Variants in MED13L observed in about 807,000 individuals in gnomAD.
The protein encoded by MED13L is mediator complex subunit 13L, also known as mediator of RNA polymerase II transcription subunit 13-like.
In MED13L, 7 loss-of-function variants were observed where a neutral mutation model predicts 220.9. The observed-to-expected ratio is 0.03, with a 90% CI of 0.02 to 0.06. MED13L has a LOEUF of 0.06. Among genes scored for constraint, MED13L ranks in the 10% least tolerant of loss-of-function variants. The pLI, the probability that MED13L is intolerant of heterozygous loss-of-function variation, is 1.00. For missense variants in MED13L, 1,965 were observed against 2,760.5 expected (o/e 0.71, Z 6.46); for synonymous variants, 1,011 against 1,015.2 (o/e 1.00, Z 0.08).
chr12:115,969,210 G>A (rs868599172), intron 27 of MED13L, 113 bp from the exon 28 acceptor site: 8 of 1,141,794 alleles, frequency 7.0e-6, no homozygotes, highest in Middle Eastern at 2.8e-4. Context: ...GGCTATTATG[G>A]ACACACACTG....
At chr12:116,185,703 CT>C (rs1880848294) in intron 2 of MED13L, among the ~76,000 whole-genome samples, 1 of 106,332 alleles carries the variant, frequency 9.4e-6, no homozygotes. Flanking sequence ...CTTTTCTTTT[CT>C]TTTCTTTTCG....
intron 2 of MED13L, chr12:116,169,023 C>A (rs1879489226): frequency 6.6e-6 from 1 of 152,216 alleles, no homozygotes; most frequent in African/African-American, 2.4e-5. Context: ...CAAGAGAGCT[C>A]TGAGCCCACG....
chr12:116,104,790 A>T (rs1873406332), intron 3 of MED13L, among the ~76,000 whole-genome samples: 3 of 152,224 alleles, frequency 2.0e-5, no homozygotes, highest in Non-Finnish European at 2.9e-5. Flanking sequence ...TATTCTAAAA[A>T]GTTAAGAAAA....
intron 2 of MED13L, among the ~76,000 whole-genome samples, chr12:116,230,971 A>AG (rs1366544230): frequency 1.3e-5 from 2 of 152,174 alleles, no homozygotes; most frequent in Non-Finnish European, 2.9e-5. Flanking sequence ...GCTAAGCAAT[A>AG]GGGGCTATTC....
At chr12:116,262,189 T>C (rs1267583188) in intron 1 of MED13L, among the ~76,000 whole-genome samples, 2 of 152,212 alleles carry the variant, frequency 1.3e-5, no homozygotes, top group Non-Finnish European at 2.9e-5. Context: ...TGGTCTGTTA[T>C]TGTATTATTT....
chr12:116,095,459 C>T (rs1429252945), intron 4 of MED13L, among the ~76,000 whole-genome samples: 1 of 152,120 alleles, frequency 6.6e-6, no homozygotes, highest in African/African-American at 2.4e-5. Flanking sequence ...TGAGAAGATT[C>T]CACAACCATT....
intron 4 of MED13L, among the ~76,000 whole-genome samples, chr12:116,091,371 A>T (rs571679380): frequency 6.6e-6 from 1 of 152,290 alleles, no homozygotes; most frequent in South Asian, 2.1e-4. Flanking sequence ...GTTATTAAGA[A>T]AAAAAGGAAA....
intron 29 of MED13L, among the ~76,000 whole-genome samples, chr12:115,965,677 C>G (rs1199371855): frequency 6.6e-6 from 1 of 152,202 alleles, no homozygotes; most frequent in African/African-American, 2.4e-5. Context: ...GACTCTTACT[C>G]TTCTCTAATG....
intron 4 of MED13L, among the ~76,000 whole-genome samples, chr12:116,059,395 T>G (rs901555660): frequency 6.7e-6 from 1 of 149,692 alleles, no homozygotes; most frequent in Non-Finnish European, 1.5e-5. Context: ...TCAATAACCC[T>G]CCAGTAAAAA....
chr12:116,108,038 C>G (rs772013675), intron 3 of MED13L, among the ~76,000 whole-genome samples: 1 of 151,566 alleles, frequency 6.6e-6, no homozygotes, highest in African/African-American at 2.4e-5. Context: ...TGCAGTGAGC[C>G]GAGATCGTGC....
chr12:115,998,410 G>A (rs994242956), intron 14 of MED13L, among the ~76,000 whole-genome samples: 6 of 152,140 alleles, frequency 3.9e-5, no homozygotes, highest in African/African-American at 7.2e-5. Context: ...TCCTAGCTCC[G>A]AATCAGAAAT....
chr12:115,996,149 G>A (rs1178496887), intron 16 of MED13L, among the ~76,000 whole-genome samples: 1 of 151,812 alleles, frequency 6.6e-6, no homozygotes, highest in African/African-American at 2.4e-5. Flanking sequence ...GGAGGGCAGT[G>A]GCGCGATCTT....
intron 2 of MED13L, among the ~76,000 whole-genome samples, chr12:116,159,960 T>C (rs542619260): frequency 6.5e-4 from 98 of 151,402 alleles, no homozygotes; most frequent in Non-Finnish European, 1.0e-3. Flanking sequence ...AAATTTCATC[T>C]CTTTGTCCCA....
chr12:116,212,343 A>G (rs1257610775), intron 2 of MED13L, among the ~76,000 whole-genome samples: 1 of 152,212 alleles, frequency 6.6e-6, no homozygotes. Flanking sequence ...TAATTTTCAT[A>G]AATGGTAAGG....
intron 19 of MED13L, among the ~76,000 whole-genome samples, chr12:115,984,867 C>CTT (rs71442953): frequency 6.9e-6 from 1 of 145,062 alleles, no homozygotes; most frequent in Non-Finnish European, 1.5e-5. Flanking sequence ...TGCTGATCGC[C>CTT]TTTTTTTTTT....
intron 2 of MED13L, among the ~76,000 whole-genome samples, chr12:116,128,421 T>A (rs1174661980): frequency 6.6e-6 from 1 of 151,190 alleles, no homozygotes; most frequent in East Asian, 1.9e-4. Context: ...AAGATTAGAA[T>A]GACTAATGAA....
At chr12:116,127,046 G>C (rs1166595814) in intron 2 of MED13L, among the ~76,000 whole-genome samples, 1 of 152,222 alleles carries the variant, frequency 6.6e-6, no homozygotes, top group East Asian at 1.9e-4. Context: ...TTGAAACATA[G>C]GCTATCAATA....
chr12:116,001,987 G>A (rs1010489367), intron 14 of MED13L, among the ~76,000 whole-genome samples: 1 of 152,040 alleles, frequency 6.6e-6, no homozygotes, highest in African/African-American at 2.4e-5. Context: ...AAGGATCAAT[G>A]GATTCAAAAA....
chr12:116,158,866 A>G (rs1438401031), intron 2 of MED13L, among the ~76,000 whole-genome samples: 2 of 152,198 alleles, frequency 1.3e-5, no homozygotes, highest in African/African-American at 4.8e-5. Flanking sequence ...TAAAACACAG[A>G]AAGCTGAAGT....
Sources: gnomAD v4.1 joint callset for allele counts (sites outside exome capture counted in the v4.1 genomes callset) on GRCh38, gnomAD v4.1.1 for gene constraint, MANE v1.5 for transcripts, NCBI Gene and HGNC (gene_info 2026-07-23, HGNC 2026-07-21) for gene names.